ARID5B: variants seen among roughly 807,000 people sequenced by gnomAD.
The protein encoded by ARID5B is AT-rich interaction domain 5B, also known as AT-rich interactive domain-containing protein 5B.
In ARID5B, 13 loss-of-function variants were observed where a neutral mutation model predicts 97.2. The ratio of observed to expected loss-of-function variants is 0.13; its 90% CI spans 0.09 to 0.21. The LOEUF is 0.21. Ranked by LOEUF, ARID5B falls within the 10% of genes least tolerant of loss-of-function variation. The pLI, the probability that ARID5B is intolerant of heterozygous loss-of-function variation, is 1.00. For missense variants in ARID5B, 1,210 were observed against 1,465.3 expected, an observed-to-expected ratio of 0.83 and a Z score of 2.84; for synonymous variants, 556 against 570.3, an observed-to-expected ratio of 0.97 and a Z score of 0.36.
intron 4 of ARID5B, among the ~76,000 whole-genome samples, chr10:62,021,252 A>AT (rs1240975901): frequency 1.3e-5 from 2 of 152,138 alleles, no homozygotes; most frequent in South Asian, 2.1e-4. Context: ...ATGCTATACC[A>AT]TTTAAAAAAC....
intron 5 of ARID5B, among the ~76,000 whole-genome samples, chr10:62,054,025 A>T (rs1226892456): frequency 6.6e-6 from 1 of 152,218 alleles, no homozygotes; most frequent in Admixed American, 6.5e-5. Context: ...GTTATAACTC[A>T]ATCCCGTGGA....
chr10:61,911,107 G>A (rs1172957525), intron 2 of ARID5B, among the ~76,000 whole-genome samples: 1 of 152,270 alleles, frequency 6.6e-6, no homozygotes, highest in East Asian at 1.9e-4. Flanking sequence ...CCTCATCAGT[G>A]GCACTAAACA....
At chr10:62,037,917 A>T (rs1293569120) in intron 4 of ARID5B, among the ~76,000 whole-genome samples, 1 of 152,250 alleles carries the variant, frequency 6.6e-6, no homozygotes, top group Admixed American at 6.5e-5. Context: ...ATTTGAGATT[A>T]ATCTGCCCCT....
At chr10:61,902,510 G>A in intron 2 of ARID5B, 97 bp downstream of exon 2, 5 of 1,484,200 alleles carry the variant, frequency 3.4e-6, no homozygotes, top group Non-Finnish European at 4.5e-6. Flanking sequence ...ATTCACTTCT[G>A]CAGGCAAGCA....
rs371620182 is a variant in ARID5B at position 62,049,474 on chromosome 10, A to G, written c.734-1414A>G. 34 of 1,550,496 alleles carry G rather than the reference A, an allele frequency of 2.2e-5. No individual in the cohort carries two copies. The South Asian group carries it at 4.0e-4, about 18-fold the overall frequency. On this transcript the variant is annotated intron_variant, in intron 4 of 9. Transcript: ENST00000279873. Reference sequence around the variant, plus strand: ...GCATCAGTCAGGCAGATGTTTGTCGACTGGAATGGGTAATCGCTACTTTCT... The same window carrying G: ...GCATCAGTCAGGCAGATGTTTGTCGGCTGGAATGGGTAATCGCTACTTTCT...
intron 4 of ARID5B, among the ~76,000 whole-genome samples, chr10:62,013,738 G>A (rs577167874): frequency 6.7e-6 from 1 of 150,286 alleles, no homozygotes; most frequent in East Asian, 2.0e-4. Context: ...CTTTCATGTT[G>A]TTGCAAATGG....
At chr10:62,056,671 A>G (rs1245629612) in intron 5 of ARID5B, among the ~76,000 whole-genome samples, 1 of 152,190 alleles carries the variant, frequency 6.6e-6, no homozygotes, top group Non-Finnish European at 1.5e-5. Flanking sequence ...AGACAAAAGA[A>G]TGTTTCTACC....
rs533476034 is a variant in ARID5B, at chr10:62,079,011, C to A, written c.1200-6691C>A. Among the ~76,000 whole-genome samples, 5 of 152,338 alleles carry A rather than the reference C, an allele frequency of 3.3e-5. No individual in the cohort carries two copies. The South Asian group carries it at 1.0e-3, about 32-fold the overall frequency. ...CAGTGCCCAAGCCATAGGGCTTCTT[C>A]TGATGTAGGAGGTTGACCCTTTGTG... On this transcript the variant is annotated intron_variant, in intron 8 of 9. Transcript: ENST00000279873.
At chr10:62,043,448 TC>T (rs1839666672) in intron 4 of ARID5B, among the ~76,000 whole-genome samples, 1 of 152,252 alleles carries the variant, frequency 6.6e-6, no homozygotes, top group Non-Finnish European at 1.5e-5. Context: ...AATAACGTGA[TC>T]ATTTACATTT....
At chr10:62,058,387 T>C (rs1564639300) in intron 6 of ARID5B, among the ~76,000 whole-genome samples, 1 of 152,176 alleles carries the variant, frequency 6.6e-6, no homozygotes, top group Non-Finnish European at 1.5e-5. Flanking sequence ...ATAAAAATCA[T>C]TTTATTCTTC....
chr10:62,018,050 G>T (rs370318099), intron 4 of ARID5B, among the ~76,000 whole-genome samples: 1 of 152,228 alleles, frequency 6.6e-6, no homozygotes, highest in Admixed American at 6.5e-5. Flanking sequence ...AATAGATTCA[G>T]TTGGAAGAAA....
chr10:62,048,641 G>A (rs1233277938), intron 4 of ARID5B, among the ~76,000 whole-genome samples: 2 of 152,148 alleles, frequency 1.3e-5, no homozygotes, highest in Non-Finnish European at 2.9e-5. Context: ...TGCTTCTCTG[G>A]GTTCTGAAAA....
chr10:62,080,068 C>T lies in ARID5B; in HGVS notation c.1200-5634C>T, dbSNP rs147081216. Among the ~76,000 whole-genome samples the T allele has an allele frequency of 8.3e-3, 1,258 of 152,304 alleles. 8 individuals are homozygous for T. Among genetic ancestry groups the T allele is most frequent in the Non-Finnish European group, 0.013 (876 of 68,030 alleles). ...TTTCACACAGACTCTGTGTTGCACT[C>T]TGCCGCCATTTTGTTGGCTCAGATG... On this transcript the variant is annotated intron_variant, in intron 8 of 9. Transcript: ENST00000279873.
chr10:61,929,188 G>A (rs983332545), intron 2 of ARID5B, among the ~76,000 whole-genome samples: 3 of 152,170 alleles, frequency 2.0e-5, no homozygotes, highest in Non-Finnish European at 4.4e-5. Context: ...TAGTATTTCG[G>A]TGTCACAATT....
chr10:62,091,249 C>T lies in ARID5B; in HGVS notation c.1786C>T (p.Pro596Ser). The change falls in exon 10 of 10, where the codon CCC (proline) becomes TCC (serine). Residue 596 changes from proline (P) to serine (S), a missense_variant. By Grantham distance (74) the Pro-to-Ser change is moderately conservative (BLOSUM62 -1). This residue lies in a region of ARID5B where 800 missense variants were observed against 839.1 expected (regional missense o/e 0.95). Coordinates refer to ENST00000279873, the MANE Select transcript of ARID5B (RefSeq NM_032199.3). ...AAGTGAACCCCAAGAAGCATCCTTC[C>T]CCAGCTTCCCCACCACACAGCCACC... ...PESEPQEASF[P>S]SFPTTQPPLA... 1 of 1,614,098 alleles carries T rather than the reference C, an allele frequency of 6.2e-7. No individual in the cohort carries two copies. The highest frequency in any genetic ancestry group is 1.3e-5 in the African/African-American group (1 of 75,040).
intron 2 of ARID5B, among the ~76,000 whole-genome samples, chr10:61,904,987 T>A (rs528940083): frequency 6.6e-6 from 1 of 152,380 alleles, no homozygotes; most frequent in South Asian, 2.1e-4. Context: ...CAGCATTTAC[T>A]GCTGGCACCT....
rs1839060549 is a variant in ARID5B at position 62,000,372 on chromosome 10, T to C, written c.733+51T>C. 2 of 1,484,096 alleles carry C rather than the reference T, an allele frequency of 1.3e-6. No individual in the cohort carries two copies. The highest frequency in any genetic ancestry group is 1.8e-6 in the Non-Finnish European group (2 of 1,093,928). 91.9% of individuals were successfully genotyped at this position (1,484,096 alleles called of 1,614,324 possible). On this transcript the variant is annotated intron_variant, in intron 4 of 9. Transcript: ENST00000279873. The surrounding 1 kb of genome is among the most constrained non-coding windows in gnomAD (Gnocchi z 4.4). Reference sequence around the variant, plus strand: ...CTGATTCTTGTGCGTGTGTGCCTAGTTGTTTTCAGTTCTTCTGAAGAGCGG... The same window carrying C: ...CTGATTCTTGTGCGTGTGTGCCTAGCTGTTTTCAGTTCTTCTGAAGAGCGG...
chr10:61,979,657 G>T (rs1332069447), intron 3 of ARID5B, among the ~76,000 whole-genome samples: 1 of 152,132 alleles, frequency 6.6e-6, no homozygotes, highest in Non-Finnish European at 1.5e-5. Context: ...CAAACCAGGG[G>T]TCTACCCTCT....
intron 4 of ARID5B, among the ~76,000 whole-genome samples, chr10:62,030,963 C>A (rs572959718): frequency 6.6e-6 from 1 of 152,096 alleles, no homozygotes; most frequent in African/African-American, 2.4e-5. Context: ...GAGCTGGGTG[C>A]GGTGGCTCAC....
Sources: gnomAD v4.1 joint callset for allele counts (sites outside exome capture counted in the v4.1 genomes callset) on GRCh38, gnomAD v4.1.1 for gene constraint, gnomAD v4.1.1 regional missense constraint, Gnocchi (gnomAD v3.1) non-coding constraint, MANE v1.5 for transcripts, NCBI Gene and HGNC (gene_info 2026-07-23, HGNC 2026-07-21) for gene names.